The following PRKCZ variants were observed in gnomAD, a reference collection of about 807,000 sequenced individuals.
PRKCZ encodes protein kinase C zeta.
Under a neutral mutation model 79.5 loss-of-function variants are expected in PRKCZ, and 33 were observed. The observed-to-expected ratio is 0.41, with a 90% CI of 0.31 to 0.55. The LOEUF is 0.55. Among genes scored for constraint, PRKCZ ranks in the 20% least tolerant of loss-of-function variants. The probability of loss-of-function intolerance (pLI) is 0.19; values close to 1 mark genes in which losing one functional copy is unlikely to be tolerated. For missense variants in PRKCZ, 578 were observed against 813.5 expected, an observed-to-expected ratio of 0.71 and a Z score of 3.52; for synonymous variants, 342 against 320.9, an observed-to-expected ratio of 1.07 and a Z score of -0.70.
chr1:2,082,159 G>A lies in PRKCZ; in HGVS notation c.334+22568G>A, dbSNP rs1021760981. 8.8e-6 allele frequency: 3 copies of A among 340,430 alleles called. No homozygotes were observed. Among genetic ancestry groups the A allele is most frequent in the East Asian group, 8.1e-5 (1 of 12,364 alleles). 21.1% of individuals were successfully genotyped at this position (340,430 alleles called of 1,614,324 possible). ...GCGGACGTGGTCAGGGGTGCTGGAC[G>A]CGTCAGACGGGTTCTTTGCAGCCCT... On this transcript the variant is annotated intron_variant, in intron 4 of 17. Coordinates refer to ENST00000378567, the MANE Select transcript of PRKCZ (RefSeq NM_002744.6). The surrounding 1 kb of genome is among the most constrained non-coding windows in gnomAD (Gnocchi z 4.4).
chr1:2,176,842 A>G (rs1685591734), intron 16 of PRKCZ, among the ~76,000 whole-genome samples: 1 of 152,174 alleles, frequency 6.6e-6, no homozygotes, highest in African/African-American at 2.4e-5. Flanking sequence ...GAACGTGCCC[A>G]CACCCCTTCC....
chr1:2,085,712 C>T, intron 4 of PRKCZ, among the ~76,000 whole-genome samples: 1 of 134,488 alleles, frequency 7.4e-6, no homozygotes, highest in Non-Finnish European at 1.6e-5. Context: ...TCGGGGGGCC[C>T]TGTTCTCAGA....
At position 2,106,194 on chromosome 1, in the gene PRKCZ, G is replaced by A. The variant is rs144870460; in HGVS notation, c.335-29068G>A. 2.1e-3 allele frequency among the ~76,000 whole-genome samples: 317 copies of A among 152,356 alleles called. 1 individual carries two copies. Among genetic ancestry groups the A allele is most frequent in the Non-Finnish European group, 4.0e-3 (270 of 68,024 alleles). On this transcript the variant is annotated intron_variant, in intron 4 of 17. Coordinates refer to ENST00000378567, the MANE Select transcript of PRKCZ (RefSeq NM_002744.6). ...CCTAGAGCCAGGGAAGGACAGGGCC[G>A]GACCCAGAGCCAGGGAAGGGAGGTG... is the stretch of plus-strand genomic sequence containing the variant.
chr1:2,182,430 G>C (rs1384762932), intron 16 of PRKCZ: 1 of 155,474 alleles, frequency 6.4e-6, no homozygotes, highest in Non-Finnish European at 1.5e-5. Flanking sequence ...CATGGGCAGG[G>C]TGCATCTGTT....
At chr1:2,058,212 A>G (rs1331964574) in intron 3 of PRKCZ, among the ~76,000 whole-genome samples, 1 of 151,388 alleles carries the variant, frequency 6.6e-6, no homozygotes, top group Non-Finnish European at 1.5e-5. Context: ...CATGTTGGCC[A>G]GGCTGTTCTC....
At chr1:2,184,464 C>G (rs1171709566) in intron 16 of PRKCZ, 119 bp from the exon 17 acceptor site, 2 of 687,214 alleles carry the variant, frequency 2.9e-6, no homozygotes, top group African/African-American at 3.6e-5. Context: ...AAATACTAGG[C>G]AGATTGAAAT....
In PRKCZ at chr1:2,146,072, G is replaced by A. The variant is rs1260867523; in HGVS notation, c.598G>A (p.Glu200Lys). 39 of 1,614,002 alleles carry A rather than the reference G, an allele frequency of 2.4e-5. No homozygotes were observed. Among genetic ancestry groups the A allele is most frequent in the Non-Finnish European group, 3.1e-5 (37 of 1,180,006 alleles). Residue 200 changes from glutamate to lysine, a missense_variant, in exon 7 of 18, where the codon GAG (glutamate) becomes AAG (lysine). Glu to Lys is a moderately conservative substitution (Grantham distance 56). Around this residue, in one of 4 missense-constraint regions of PRKCZ, gnomAD observed 91 missense variants for 97.5 expected, o/e 0.93. Transcript: ENST00000378567. ...AGAGCCTCCAGTAGACGACAAGAAC[G>A]AGGACGCCGACCTTCCTTCCGAGGA... The part of the protein sequence containing the change: ...SQEPPVDDKN[E>K]DADLPSEETD...
intron 4 of PRKCZ, among the ~76,000 whole-genome samples, chr1:2,093,078 G>A (rs1665804560): frequency 1.3e-5 from 2 of 152,222 alleles, no homozygotes; most frequent in Admixed American, 1.3e-4. Flanking sequence ...TGTGATGGGT[G>A]GTTTTCAACA....
At chr1:2,070,420 C>T (rs1485187003) in intron 4 of PRKCZ, among the ~76,000 whole-genome samples, 4 of 152,170 alleles carry the variant, frequency 2.6e-5, no homozygotes, top group African/African-American at 7.2e-5. Flanking sequence ...TGGTGGGACC[C>T]CTGGGGTTTG....
intron 4 of PRKCZ, among the ~76,000 whole-genome samples, chr1:2,124,675 GA>G (rs1673521054): frequency 6.6e-6 from 1 of 152,164 alleles, no homozygotes; most frequent in Non-Finnish European, 1.5e-5. Context: ...TGAGCCGACG[GA>G]GACAGTTCCA....
At chr1:2,051,647 GC>G (rs1279233530) in intron 1 of PRKCZ, among the ~76,000 whole-genome samples, 1 of 152,198 alleles carries the variant, frequency 6.6e-6, no homozygotes, top group Non-Finnish European at 1.5e-5. Context: ...GGCAACCTGA[GC>G]CCCAGAGGCA....
At chr1:2,103,595 C>T (rs1048541790) in intron 4 of PRKCZ, among the ~76,000 whole-genome samples, 2 of 152,018 alleles carry the variant, frequency 1.3e-5, no homozygotes, top group East Asian at 1.9e-4. Flanking sequence ...TGAAGAGAAG[C>T]GTGAGGCTGG....
rs750444575 is a variant in PRKCZ, at chr1:2,135,293, G to C, written c.366G>C (p.Trp122Cys). 1 of 1,613,468 alleles carries C rather than the reference G, an allele frequency of 6.2e-7. No individual in the cohort carries two copies. The highest frequency in any genetic ancestry group is 1.7e-5 in the Admixed American group (1 of 60,008). Reference protein sequence around the residue: ...KSIYRRGARRWRKLYRANGHL... With the variant: ...KSIYRRGARRCRKLYRANGHL... ...TCTACCGCCGGGGAGCCAGAAGATGGAGGAAGCTGTACCGTGCCAACGGCC... is the reference window on the plus strand; with the variant it reads ...TCTACCGCCGGGGAGCCAGAAGATGCAGGAAGCTGTACCGTGCCAACGGCC... The change falls in exon 5 of 18, where the codon TGG becomes TGC. Residue 122 changes from tryptophan (W) to cysteine (C), a missense_variant. Trp to Cys is a radical substitution (Grantham distance 215, BLOSUM62 -2). Transcript: ENST00000378567.
At chr1:2,150,755 CT>C (rs763769607) in intron 8 of PRKCZ, 34 bp from the exon 9 acceptor site, 105 of 1,592,704 alleles carry the variant, frequency 6.6e-5, no homozygotes, top group Non-Finnish European at 7.7e-6. Context: ...GGGAACCCCC[CT>C]CTCACTTTCT....
At chr1:2,053,602 C>G (rs983094386) in intron 1 of PRKCZ, among the ~76,000 whole-genome samples, 1 of 152,164 alleles carries the variant, frequency 6.6e-6, no homozygotes, top group African/African-American at 2.4e-5. Context: ...CTGACACTTC[C>G]CAAGCCCTGG....
chr1:2,147,186 TCCAA>T (rs1406598328), intron 7 of PRKCZ, among the ~76,000 whole-genome samples: 4 of 152,074 alleles, frequency 2.6e-5, no homozygotes, highest in Non-Finnish European at 5.9e-5. Flanking sequence ...GACCTCTCCA[TCCAA>T]CCGTCTATTG....
intron 4 of PRKCZ, among the ~76,000 whole-genome samples, chr1:2,061,729 G>A (rs1363906618): frequency 6.6e-6 from 1 of 152,210 alleles, no homozygotes; most frequent in African/African-American, 2.4e-5. Flanking sequence ...GGGTTTCATG[G>A]CGCTAGTGTC....
intron 4 of PRKCZ, among the ~76,000 whole-genome samples, chr1:2,114,902 T>G (rs568048762): frequency 7.2e-5 from 11 of 152,354 alleles, no homozygotes; most frequent in African/African-American, 2.6e-4. Flanking sequence ...TTCTTTTTCT[T>G]TCTTGACTTT....
chr1:2,117,228 A>T (rs116203618), intron 4 of PRKCZ, among the ~76,000 whole-genome samples: 1 of 152,116 alleles, frequency 6.6e-6, no homozygotes, highest in Non-Finnish European at 1.5e-5. Context: ...GGGATTACAG[A>T]TGCAAGCCAC....
Sources: gnomAD v4.1 joint callset for allele counts (sites outside exome capture counted in the v4.1 genomes callset) on GRCh38, gnomAD v4.1.1 for gene constraint, gnomAD v4.1.1 regional missense constraint, Gnocchi (gnomAD v3.1) non-coding constraint, MANE v1.5 for transcripts, NCBI Gene and HGNC (gene_info 2026-07-23, HGNC 2026-07-21) for gene names.